KCNJ6: variants seen among roughly 807,000 people sequenced by gnomAD.
KCNJ6 encodes the protein G protein-activated inward rectifier potassium channel 2.
KCNJ6 carries 9 observed loss-of-function variants against 34.2 expected under a neutral mutation model. The observed-to-expected ratio is 0.26, with a 90% confidence interval of 0.16 to 0.46. The LOEUF (loss-of-function observed/expected upper bound fraction) is 0.46. Ranked by LOEUF, KCNJ6 falls within the 20% of genes least tolerant of loss-of-function variation. The pLI is 1.00. For missense variants in KCNJ6, 236 were observed against 531.3 expected, an observed-to-expected ratio of 0.44 and a Z score of 5.46; for synonymous variants, 196 against 207.1, an observed-to-expected ratio of 0.95 and a Z score of 0.46.
intron 2 of KCNJ6, among the ~76,000 whole-genome samples, chr21:37,718,726 T>G (rs901398621): frequency 1.3e-5 from 2 of 152,014 alleles, no homozygotes; most frequent in Non-Finnish European, 2.9e-5. Context: ...AATGACAAGT[T>G]GATGGGTGCA....
At chr21:37,774,063 G>A (rs1180490064) in intron 2 of KCNJ6, among the ~76,000 whole-genome samples, 3 of 152,178 alleles carry the variant, frequency 2.0e-5, no homozygotes, top group Non-Finnish European at 4.4e-5. Context: ...TGACCCTGAA[G>A]ATGGATTCTG....
intron 2 of KCNJ6, among the ~76,000 whole-genome samples, chr21:37,787,514 C>T (rs1371113479): frequency 6.6e-6 from 1 of 152,164 alleles, no homozygotes; most frequent in African/African-American, 2.4e-5. Context: ...AAGGAGATGA[C>T]CTTTGACAGT....
At chr21:37,852,438 G>A (rs1430705648) in intron 1 of KCNJ6, among the ~76,000 whole-genome samples, 1 of 152,152 alleles carries the variant, frequency 6.6e-6, no homozygotes, top group African/African-American at 2.4e-5. Context: ...GTAATGAGGT[G>A]CCCCCTCCTA....
intron 1 of KCNJ6, among the ~76,000 whole-genome samples, chr21:37,851,737 G>A (rs1214445268): frequency 6.6e-6 from 1 of 151,222 alleles, no homozygotes; most frequent in Non-Finnish European, 1.5e-5. Flanking sequence ...AGATGATGCA[G>A]ATTGATTTTT....
intron 2 of KCNJ6, among the ~76,000 whole-genome samples, chr21:37,762,850 G>A (rs1185909711): frequency 6.6e-6 from 1 of 152,204 alleles, no homozygotes; most frequent in Non-Finnish European, 1.5e-5. Flanking sequence ...TGGAAGTAGG[G>A]CCTGGCATGG....
At chr21:37,636,101 A>G (rs1175529435) in intron 3 of KCNJ6, among the ~76,000 whole-genome samples, 1 of 152,140 alleles carries the variant, frequency 6.6e-6, no homozygotes, top group Non-Finnish European at 1.5e-5. Flanking sequence ...GAGGATGGAC[A>G]CCCATCTCTA....
intron 1 of KCNJ6, among the ~76,000 whole-genome samples, chr21:37,884,434 T>C (rs2055725126): frequency 6.6e-6 from 1 of 152,112 alleles, no homozygotes; most frequent in South Asian, 2.1e-4. Flanking sequence ...CTCCTTTCTG[T>C]TTCCATCACA....
chr21:37,711,652 C>A (rs1333547506), intron 3 of KCNJ6, among the ~76,000 whole-genome samples: 1 of 152,060 alleles, frequency 6.6e-6, no homozygotes, highest in Non-Finnish European at 1.5e-5. Context: ...GCCCATAAAT[C>A]CTAATTGAGC....
chr21:37,829,852 G>A (rs181033208), intron 2 of KCNJ6, among the ~76,000 whole-genome samples: 5 of 152,346 alleles, frequency 3.3e-5, no homozygotes, highest in Admixed American at 2.6e-4. Flanking sequence ...CTGCCCCAGA[G>A]CCGGGCTTTC....
At chr21:37,664,292 G>T (rs2054503966) in intron 3 of KCNJ6, among the ~76,000 whole-genome samples, 1 of 151,888 alleles carries the variant, frequency 6.6e-6, no homozygotes, top group African/African-American at 2.4e-5. Context: ...AGAAATTAGA[G>T]AGAAAAAGTA....
At chr21:37,631,662 A>G (rs778741348) in intron 3 of KCNJ6, among the ~76,000 whole-genome samples, 4 of 152,204 alleles carry the variant, frequency 2.6e-5, no homozygotes, top group Non-Finnish European at 5.9e-5. Context: ...CTTTAACCTG[A>G]GAGTGGCCCC....
chr21:37,661,155 A>G (rs896895061), intron 3 of KCNJ6, among the ~76,000 whole-genome samples: 1 of 152,214 alleles, frequency 6.6e-6, no homozygotes, highest in African/African-American at 2.4e-5. Context: ...AACTATGAGT[A>G]ACAGATTAAT....
At chr21:37,646,815 C>T (rs1601401759) in intron 3 of KCNJ6, among the ~76,000 whole-genome samples, 2 of 151,894 alleles carry the variant, frequency 1.3e-5, no homozygotes, top group African/African-American at 2.4e-5. Context: ...GGACTACAGG[C>T]GCCTGCCACC....
chr21:37,818,233 T>C (rs1205574412), intron 2 of KCNJ6, among the ~76,000 whole-genome samples: 1 of 151,582 alleles, frequency 6.6e-6, no homozygotes, highest in Non-Finnish European at 1.5e-5. Flanking sequence ...TGTGTGTGTG[T>C]GTGTGTGTGT....
intron 2 of KCNJ6, among the ~76,000 whole-genome samples, chr21:37,816,707 G>A (rs997681914): frequency 1.3e-5 from 2 of 152,160 alleles, no homozygotes; most frequent in African/African-American, 4.8e-5. Context: ...ACATAGAGAC[G>A]TGCCGCCTCT....
intron 2 of KCNJ6, among the ~76,000 whole-genome samples, chr21:37,717,836 T>C (rs1192946977): frequency 1.3e-5 from 2 of 152,208 alleles, no homozygotes; most frequent in African/African-American, 2.4e-5. Context: ...TCTTCAGTGA[T>C]ATATCATACT....
intron 3 of KCNJ6, among the ~76,000 whole-genome samples, chr21:37,683,697 C>T (rs2054599946): frequency 6.6e-6 from 1 of 152,150 alleles, no homozygotes. Flanking sequence ...AGAAGCCAAC[C>T]CCAAGGGAGT....
intron 1 of KCNJ6, among the ~76,000 whole-genome samples, chr21:37,891,872 G>C (rs1987678002): frequency 6.6e-6 from 1 of 152,102 alleles, no homozygotes; most frequent in African/African-American, 2.4e-5. Context: ...AGTTGTGGTG[G>C]TGCTGGGCTG....
intron 1 of KCNJ6, among the ~76,000 whole-genome samples, chr21:37,846,033 A>G (rs1276491788): frequency 6.6e-6 from 1 of 152,184 alleles, no homozygotes; most frequent in Non-Finnish European, 1.5e-5. Flanking sequence ...CTGAAAAAAA[A>G]ACAACGTTAA....
Sources: gnomAD v4.1 joint callset for allele counts (sites outside exome capture counted in the v4.1 genomes callset) on GRCh38, gnomAD v4.1.1 for gene constraint, MANE v1.5 for transcripts, NCBI Gene and HGNC (gene_info 2026-07-23, HGNC 2026-07-21) for gene names.